Variants in KIAA1328 observed in about 807,000 individuals in gnomAD.
KIAA1328 encodes the protein protein hinderin.
In KIAA1328, 52 loss-of-function variants were observed where a neutral mutation model predicts 68.1. The ratio of observed to expected loss-of-function variants is 0.76; its 90% confidence interval spans 0.61 to 0.96. KIAA1328 has a LOEUF of 0.96. Ranked by LOEUF, KIAA1328 falls within the 40% of genes least tolerant of loss-of-function variation. The pLI, the probability that KIAA1328 is intolerant of heterozygous loss-of-function variation, is 0.00. For missense variants in KIAA1328, 641 were observed against 677.6 expected (o/e 0.95, Z 0.60); for synonymous variants, 232 against 239.4 (o/e 0.97, Z 0.28).
chr18:37,093,979 TGAG>T (rs754700224), intron 7 of KIAA1328, among the ~76,000 whole-genome samples: 21 of 152,124 alleles, frequency 1.4e-4, no homozygotes, highest in Non-Finnish European at 2.8e-4. Context: ...CATGAGGAAA[TGAG>T]GAAATGGCAT....
chr18:37,153,684 G>A (rs1158857387), intron 7 of KIAA1328, among the ~76,000 whole-genome samples: 2 of 119,896 alleles, frequency 1.7e-5, no homozygotes, highest in African/African-American at 6.5e-5. Context: ...TCAAAGAAAT[G>A]GCTGATTCCA....
At chr18:36,909,316 TG>T (rs2049341937) in intron 5 of KIAA1328, among the ~76,000 whole-genome samples, 1 of 143,576 alleles carries the variant, frequency 7.0e-6, no homozygotes, top group Admixed American at 7.4e-5. Context: ...CGTTGTGTGA[TG>T]TTCCCCTTCT....
At chr18:36,860,555 G>C (rs1239240226) in intron 4 of KIAA1328, among the ~76,000 whole-genome samples, 2 of 151,876 alleles carry the variant, frequency 1.3e-5, no homozygotes, top group Admixed American at 1.3e-4. Context: ...GGCACTTTTA[G>C]CTTTTCTAAA....
intron 6 of KIAA1328, among the ~76,000 whole-genome samples, chr18:37,026,029 A>C (rs1020124197): frequency 2.0e-5 from 3 of 152,170 alleles, no homozygotes; most frequent in Non-Finnish European, 4.4e-5. Flanking sequence ...ATAAAAAATG[A>C]TAAAAGGGGA....
intron 7 of KIAA1328, among the ~76,000 whole-genome samples, chr18:37,091,962 C>T (rs1246019412): frequency 6.6e-6 from 1 of 152,144 alleles, no homozygotes; most frequent in Non-Finnish European, 1.5e-5. Flanking sequence ...CACAGAACAG[C>T]ACATGCCTTC....
chr18:37,161,073 CA>C (rs1056409261), intron 8 of KIAA1328, among the ~76,000 whole-genome samples: 2 of 152,032 alleles, frequency 1.3e-5, no homozygotes, highest in African/African-American at 4.8e-5. Context: ...GTACAGGAAA[CA>C]AAAGACCAAA....
chr18:37,191,754 C>G (rs559089352), intron 9 of KIAA1328, among the ~76,000 whole-genome samples: 1 of 151,268 alleles, frequency 6.6e-6, no homozygotes, highest in Non-Finnish European at 1.5e-5. Context: ...ACAGGTGTAT[C>G]AAGAATTAGG....
intron 6 of KIAA1328, among the ~76,000 whole-genome samples, chr18:37,051,176 T>A (rs1279400077): frequency 6.6e-6 from 1 of 151,186 alleles, no homozygotes; most frequent in Non-Finnish European, 1.5e-5. Context: ...AATGGTTAAA[T>A]AACATAAGGT....
intron 9 of KIAA1328, among the ~76,000 whole-genome samples, chr18:37,212,843 C>T (rs1156278731): frequency 1.3e-5 from 2 of 152,172 alleles, no homozygotes; most frequent in Non-Finnish European, 2.9e-5. Flanking sequence ...GCCTCAGCCT[C>T]CCGAGTAGCT....
At chr18:37,087,337 G>A (rs1214729098) in intron 7 of KIAA1328, among the ~76,000 whole-genome samples, 2 of 152,082 alleles carry the variant, frequency 1.3e-5, no homozygotes, top group Non-Finnish European at 2.9e-5. Context: ...TGGGATTATA[G>A]GCATGAGCTA....
At chr18:36,868,380 A>C (rs2047827161) in intron 4 of KIAA1328, among the ~76,000 whole-genome samples, 1 of 152,222 alleles carries the variant, frequency 6.6e-6, no homozygotes, top group Non-Finnish European at 1.5e-5. Context: ...TGACCTCAGA[A>C]GGTCTTTTTC....
intron 6 of KIAA1328, among the ~76,000 whole-genome samples, chr18:36,967,588 C>T (rs1344301905): frequency 6.6e-6 from 1 of 152,178 alleles, no homozygotes; most frequent in African/African-American, 2.4e-5. Context: ...CCAAGATGGC[C>T]AACTAGACCC....
At chr18:36,868,330 G>C (rs1173740704) in intron 4 of KIAA1328, among the ~76,000 whole-genome samples, 2 of 152,164 alleles carry the variant, frequency 1.3e-5, no homozygotes, top group African/African-American at 4.8e-5. Flanking sequence ...GAGGTATTAG[G>C]ATAGAAAGAA....
chr18:36,914,045 T>C (rs1214772203), intron 5 of KIAA1328, among the ~76,000 whole-genome samples: 1 of 152,204 alleles, frequency 6.6e-6, no homozygotes, highest in African/African-American at 2.4e-5. Flanking sequence ...ATTGTCATCT[T>C]GTACCATCTA....
chr18:37,029,166 T>C (rs2054718318), intron 6 of KIAA1328, among the ~76,000 whole-genome samples: 1 of 151,730 alleles, frequency 6.6e-6, no homozygotes, highest in Non-Finnish European at 1.5e-5. Context: ...TTCTGGTTGG[T>C]AGGCTTTTTA....
rs772125014 is a variant in KIAA1328 at position 37,067,358 on chromosome 18, G to C, written c.1045G>C (p.Gly349Arg). The C allele has an allele frequency of 1.9e-6, 3 of 1,610,568 alleles. No individual in the cohort carries two copies. Among genetic ancestry groups the C allele is most frequent in the Admixed American group, 3.3e-5 (2 of 59,974 alleles). The change falls in exon 7 of 10, where the codon GGT (glycine) becomes CGT (arginine). Residue 349 changes from glycine (G) to arginine (R), a missense_variant. Physicochemically the swap from Gly to Arg is moderately radical, Grantham distance 125. Coordinates refer to ENST00000280020, the MANE Select transcript of KIAA1328 (RefSeq NM_020776.3). ...RLSWASLVHG[G>R]GALQPIETLK... ...TTCTTGGGCATCTCTGGTGCATGGT[G>C]GTGGGGCACTGCAACCCATTGAAAC... is the stretch of plus-strand genomic sequence containing the variant.
rs544025402 is a variant in KIAA1328 at position 36,954,256 on chromosome 18, C to T, written c.449-5052C>T. Among the ~76,000 whole-genome samples, 3 of 152,214 alleles carry T rather than the reference C, an allele frequency of 2.0e-5. No individual in the cohort carries two copies. In the East Asian group the frequency reaches 5.8e-4, roughly 29 times the overall value. On this transcript the variant is annotated intron_variant, in intron 5 of 9. Coordinates refer to ENST00000280020, the MANE Select transcript of KIAA1328 (RefSeq NM_020776.3). The stretch of plus-strand genomic sequence containing the variant: ...TGACCTCGTGATCCACCCGCCTCGG[C>T]CTCCCAAGTCTGATTGTTTCTTACA...
chr18:36,923,857 A>G (rs1568169903), intron 5 of KIAA1328: 1 of 152,234 alleles, frequency 6.6e-6, no homozygotes, highest in African/African-American at 2.4e-5. Context: ...TCACATCAAC[A>G]AAGTTCTACT....
chr18:37,212,794 C>T (rs1215925147), intron 9 of KIAA1328, among the ~76,000 whole-genome samples: 2 of 152,162 alleles, frequency 1.3e-5, no homozygotes, highest in Non-Finnish European at 2.9e-5. Context: ...AATCTTGGCT[C>T]ACTGCAACCT....
Sources: gnomAD v4.1 joint callset for allele counts (sites outside exome capture counted in the v4.1 genomes callset) on GRCh38, gnomAD v4.1.1 for gene constraint, MANE v1.5 for transcripts, NCBI Gene and HGNC (gene_info 2026-07-23, HGNC 2026-07-21) for gene names.